CUBN: variants seen among roughly 807,000 people sequenced by gnomAD.
CUBN encodes 460 kDa receptor.
In CUBN, 282 loss-of-function variants were observed where a neutral mutation model predicts 405.3. The observed-to-expected ratio is 0.70, with a 90% CI of 0.63 to 0.77. The LOEUF is 0.77. CUBN is among the 30% of genes least tolerant of loss of function. CUBN has a pLI of 0.00. For synonymous variants in CUBN, 1,684 were observed against 1,617.0 expected (o/e 1.04, Z -0.99); for missense variants, 4,514 against 4,475.2 (o/e 1.01, Z -0.25).
At chr10:17,025,867 A>T (rs1834648377) in intron 27 of CUBN, among the ~76,000 whole-genome samples, 1 of 152,092 alleles carries the variant, frequency 6.6e-6, no homozygotes, top group South Asian at 2.1e-4. Context: ...TGGGGTGGAG[A>T]TAAGCATGCT....
intron 54 of CUBN, among the ~76,000 whole-genome samples, chr10:16,894,373 G>C (rs1293701052): frequency 6.6e-6 from 1 of 151,744 alleles, no homozygotes; most frequent in South Asian, 2.1e-4. Flanking sequence ...TTTTGAGTGA[G>C]GTTTTCTACA....
rs1301986896 is a variant in CUBN, at chr10:17,112,210, AATC to A, written c.884-1163_884-1161del. Among the ~76,000 whole-genome samples, 6 of 152,270 alleles carry A rather than the reference AATC, an allele frequency of 3.9e-5. No individual in the cohort carries two copies. In the East Asian group the frequency reaches 1.2e-3, roughly 29 times the overall value. On this transcript the variant is annotated intron_variant, in intron 8 of 66. Transcript: ENST00000377833. ...TATTCATATTCTTTGATTTAAGTAGAATCCTCTTCTAAGACTCTGCCTAAGAAA... is the reference window on the plus strand; with the variant it reads ...TATTCATATTCTTTGATTTAAGTAGACTCTTCTAAGACTCTGCCTAAGAAA...
intron 22 of CUBN, among the ~76,000 whole-genome samples, chr10:17,056,641 G>A (rs979070464): frequency 2.0e-5 from 3 of 151,926 alleles, no homozygotes; most frequent in Admixed American, 6.6e-5. Flanking sequence ...GGATGCACGT[G>A]GGAGATCCTG....
At chr10:16,855,239 C>A (rs1392763353) in intron 59 of CUBN, among the ~76,000 whole-genome samples, 1 of 151,786 alleles carries the variant, frequency 6.6e-6, no homozygotes. Context: ...TGCCACCATG[C>A]CCAGCTTAAC....
At chr10:16,839,880 G>A (rs917869803) in intron 62 of CUBN, among the ~76,000 whole-genome samples, 1 of 152,066 alleles carries the variant, frequency 6.6e-6, no homozygotes, top group African/African-American at 2.4e-5. Flanking sequence ...GGAATACTAT[G>A]CAGCCATAAA....
chr10:17,127,710 A>T, intron 3 of CUBN, 119 bp downstream of exon 3: 1 of 678,176 alleles, frequency 1.5e-6, no homozygotes, highest in African/African-American at 1.8e-5. Context: ...AACAGTGAGT[A>T]GTTACATGCT....
rs764311161 is a variant in CUBN at position 16,928,250 on chromosome 10, C to G, written c.6178G>C (p.Gly2060Arg). The change falls in exon 41 of 67, where the codon GGG becomes CGG. Residue 2060 changes from glycine to arginine, a missense_variant. Coordinates refer to ENST00000377833, the MANE Select transcript of CUBN (RefSeq NM_001081.4). ...LAVLCGREIP[G>R]PIRSTGEYMF... is the part of the protein sequence containing the mutation. Reference sequence around the variant, plus strand: ...TACTCTCCAGTAGACCGGATGGGCCCAGGGATCTCTCTGCCACAGAGAACT... The same window carrying G: ...TACTCTCCAGTAGACCGGATGGGCCGAGGGATCTCTCTGCCACAGAGAACT... The G allele has an allele frequency of 1.1e-5, 17 of 1,613,816 alleles. No homozygotes were observed. Among genetic ancestry groups the G allele is most frequent in the Non-Finnish European group, 1.4e-5 (17 of 1,179,896 alleles).
intron 13 of CUBN, among the ~76,000 whole-genome samples, chr10:17,102,288 T>TTTAC (rs1836512160): frequency 6.7e-6 from 1 of 149,986 alleles, no homozygotes. Flanking sequence ...TATTTATTTA[T>TTTAC]TTATTTATTT....
chr10:16,847,584 A>T (rs1200909206), intron 60 of CUBN, among the ~76,000 whole-genome samples: 5 of 152,232 alleles, frequency 3.3e-5, no homozygotes, highest in African/African-American at 1.2e-4. Context: ...CTCCTCAAGA[A>T]GCTTGAACTC....
intron 60 of CUBN, among the ~76,000 whole-genome samples, chr10:16,849,509 T>G (rs901403019): frequency 6.6e-6 from 1 of 152,216 alleles, no homozygotes; most frequent in African/African-American, 2.4e-5. Context: ...TTGTCTGTCT[T>G]GCTCTCACCA....
chr10:16,984,074 G>C (rs1188253916), intron 30 of CUBN, 31 bp downstream of exon 30: 1 of 1,612,278 alleles, frequency 6.2e-7, no homozygotes, highest in Non-Finnish European at 8.5e-7. Flanking sequence ...CTCGGCTTAA[G>C]TACTTTAGGA....
intron 36 of CUBN, among the ~76,000 whole-genome samples, chr10:16,946,777 G>A (rs1460160497): frequency 1.3e-5 from 2 of 152,136 alleles, no homozygotes; most frequent in East Asian, 1.9e-4. Flanking sequence ...TTACAGGCAT[G>A]AGCCACTACA....
chr10:17,123,182 T>C (rs748255977), intron 5 of CUBN, among the ~76,000 whole-genome samples: 2 of 152,194 alleles, frequency 1.3e-5, no homozygotes, highest in Non-Finnish European at 2.9e-5. Context: ...CATCTGGGAA[T>C]ACTTACTTAA....
chr10:16,931,553 T>C (rs999979648), intron 40 of CUBN, among the ~76,000 whole-genome samples: 11 of 152,236 alleles, frequency 7.2e-5, no homozygotes, highest in African/African-American at 2.7e-4. Context: ...GCAAGGGCAC[T>C]GATTAAACCT....
intron 54 of CUBN, among the ~76,000 whole-genome samples, chr10:16,892,169 G>A (rs1043857032): frequency 6.6e-6 from 1 of 152,142 alleles, no homozygotes; most frequent in Non-Finnish European, 1.5e-5. Flanking sequence ...GCTCTTTAAA[G>A]CCGTATTGTT....
intron 54 of CUBN, among the ~76,000 whole-genome samples, chr10:16,893,450 A>G (rs1430288459): frequency 6.6e-6 from 1 of 151,982 alleles, no homozygotes; most frequent in Non-Finnish European, 1.5e-5. Context: ...GTTGTACACA[A>G]TTGCATTCAA....
At chr10:16,893,555 C>G (rs904525938) in intron 54 of CUBN, among the ~76,000 whole-genome samples, 2 of 152,178 alleles carry the variant, frequency 1.3e-5, no homozygotes, top group African/African-American at 4.8e-5. Context: ...TCTCTAACCT[C>G]TGGCTCTCTG....
intron 36 of CUBN, among the ~76,000 whole-genome samples, chr10:16,942,178 G>A (rs940483847): frequency 2.6e-5 from 4 of 152,184 alleles, no homozygotes; most frequent in Admixed American, 6.5e-5. Context: ...GTTGACAAGC[G>A]TGCAAAGCAA....
intron 28 of CUBN, among the ~76,000 whole-genome samples, chr10:17,010,974 A>C (rs976794830): frequency 3.9e-5 from 6 of 152,218 alleles, no homozygotes; most frequent in Non-Finnish European, 8.8e-5. Context: ...CACTGCACAC[A>C]TTCATGTGTG....
Sources: allele counts gnomAD v4.1 joint callset (sites outside exome capture counted in the v4.1 genomes callset), GRCh38; gene constraint gnomAD v4.1.1; transcripts MANE v1.5; gene names NCBI Gene and HGNC (gene_info 2026-07-23, HGNC 2026-07-21).